The following DHODH variants were observed in gnomAD, a reference collection of about 807,000 sequenced individuals.
DHODH encodes the protein dihydroorotate dehydrogenase (quinone), mitochondrial.
In DHODH, 30 loss-of-function variants were observed where a neutral mutation model predicts 39.7. The observed-to-expected ratio is 0.76, with a 90% CI of 0.57 to 1.02. DHODH has a LOEUF of 1.02. Among genes scored for constraint, DHODH ranks in the 50% least tolerant of loss-of-function variants. The pLI, the probability that DHODH is intolerant of heterozygous loss-of-function variation, is 0.00. For missense variants in DHODH, 531 were observed against 520.8 expected, an observed-to-expected ratio of 1.02 and a Z score of -0.19; for synonymous variants, 222 against 213.8, an observed-to-expected ratio of 1.04 and a Z score of -0.34.
intron 1 of DHODH, 26 bp downstream of exon 1, chr16:72,008,811 G>T (rs1419086432): frequency 5.8e-6 from 9 of 1,552,586 alleles, no homozygotes; most frequent in Non-Finnish European, 7.8e-6. Context: ...GAGCAGTGTG[G>T]ATGGGGGACC....
At chr16:72,017,247 C>T (rs878887871) in intron 4 of DHODH, 141 bp downstream of exon 4, 31 of 857,042 alleles carry the variant, frequency 3.6e-5, no homozygotes, top group South Asian at 2.3e-4. Context: ...TCTCCTAGAG[C>T]GATTTTCCTG....
At chr16:72,021,363 G>A (rs377694783) in intron 5 of DHODH, 52 bp downstream of exon 5, 53 of 1,541,298 alleles carry the variant, frequency 3.4e-5, no homozygotes, top group Admixed American at 2.1e-4. Flanking sequence ...TGTCCCACCT[G>A]CTCCCCTTCA....
chr16:72,012,735 G>A (rs1200508736), intron 2 of DHODH, among the ~76,000 whole-genome samples: 2 of 152,212 alleles, frequency 1.3e-5, no homozygotes, highest in Non-Finnish European at 2.9e-5. Flanking sequence ...CTGGTGAGAG[G>A]CAGGAGCATC....
intron 1 of DHODH, among the ~76,000 whole-genome samples, chr16:72,009,657 C>CA (rs2041061800): frequency 6.6e-6 from 1 of 151,936 alleles, no homozygotes; most frequent in South Asian, 2.1e-4. Context: ...GGCTGTCGCC[C>CA]AGGCTGGAGT....
intron 1 of DHODH, among the ~76,000 whole-genome samples, chr16:72,011,517 G>C (rs1297510042): frequency 6.6e-6 from 1 of 152,214 alleles, no homozygotes; most frequent in Non-Finnish European, 1.5e-5. Context: ...TGTGGTCCCA[G>C]TTACTTGGGG....
Position 72,024,332 on chromosome 16 carries a change from G to A in DHODH, c.*133G>A, listed in dbSNP as rs2041257289. ...GCCATGGCATGGCTGCACTGTAAAC[G>A]CCAATCGGGGGGTCACCAGGATCAA... On this transcript the variant is annotated 3_prime_UTR_variant, in exon 9 of 9. Coordinates refer to ENST00000219240, the MANE Select transcript of DHODH (RefSeq NM_001361.5). 8 of 930,090 alleles carry A rather than the reference G, an allele frequency of 8.6e-6. No homozygotes were observed. Among genetic ancestry groups the A allele is most frequent in the Admixed American group, 5.9e-5 (3 of 51,112 alleles). The allele number at this position is 930,090 out of a possible 1,614,324, so 57.6% of individuals were successfully genotyped here.
chr16:72,012,079 G>T lies in DHODH; in HGVS notation c.51G>T (p.Leu17=), dbSNP rs772234792. 3.7e-6 allele frequency: 6 copies of T among 1,613,998 alleles called. No homozygotes were observed. Among genetic ancestry groups the T allele is most frequent in the East Asian group, 2.2e-5 (1 of 44,896 alleles). Residue 17 remains leucine, a synonymous_variant, in exon 2 of 9, where the codon CTG becomes CTT. Coordinates refer to ENST00000219240, the MANE Select transcript of DHODH (RefSeq NM_001361.5). ...KKRAQDAVII[L]GGGGLLFASY... is the part of the protein sequence containing the mutation. ...GGGCCCAGGATGCTGTGATCATCCT[G>T]GGGGGAGGAGGACTTCTCTTCGCCT...
chr16:72,009,799 G>C (rs1380503057), intron 1 of DHODH, among the ~76,000 whole-genome samples: 1 of 152,116 alleles, frequency 6.6e-6, no homozygotes, highest in Non-Finnish European at 1.5e-5. Flanking sequence ...ATTTTTAGTA[G>C]AGACTGCAGT....
chr16:72,009,026 C>T (rs1481844954), intron 1 of DHODH: 3 of 1,423,186 alleles, frequency 2.1e-6, no homozygotes, highest in South Asian at 1.5e-5. Context: ...TGAGTGTCTG[C>T]GCCTGGGCCA....
chr16:72,014,675 A>G lies in DHODH; in HGVS notation c.434+3A>G. The G allele has an allele frequency of 6.2e-7, 1 of 1,614,042 alleles. No homozygotes were observed. Among genetic ancestry groups the G allele is most frequent in the South Asian group, 1.1e-5 (1 of 91,088 alleles). On this transcript the variant is annotated splice_donor_region_variant and intron_variant, in intron 3 of 8. Coordinates refer to ENST00000219240, the MANE Select transcript of DHODH (RefSeq NM_001361.5). ...GAGGACCAAGCTGTCATTAACAGGT[A>G]GGTGAGCGGCCCAGAGTTAACGGGG...
Position 72,009,172 on chromosome 16 carries a change from T to A in DHODH, c.21+387T>A, listed in dbSNP as rs1035410041. The A allele has an allele frequency of 1.9e-5, 21 of 1,096,648 alleles. No individual in the cohort carries two copies. In the African/African-American group the frequency reaches 2.3e-4, roughly 12 times the overall value. The allele number at this position is 1,096,648 out of a possible 1,614,324, so 67.9% of individuals were successfully genotyped here. A position where few individuals can be genotyped will look rare whatever the true frequency, so the allele number is the denominator to read the frequency against. On this transcript the variant is annotated intron_variant, in intron 1 of 8. Coordinates refer to ENST00000219240, the MANE Select transcript of DHODH (RefSeq NM_001361.5). Reference sequence around the variant, plus strand: ...GGTAAAGTTTTGTTAGGGGCGGGGGTCTCTGTGAAAAGTTCTTAGCTGTAT... The same window carrying A: ...GGTAAAGTTTTGTTAGGGGCGGGGGACTCTGTGAAAAGTTCTTAGCTGTAT...
At chr16:72,017,150 G>A in intron 4 of DHODH, 44 bp downstream of exon 4, 2 of 1,574,096 alleles carry the variant, frequency 1.3e-6, no homozygotes, top group Non-Finnish European at 1.7e-6. Flanking sequence ...TTTATTAGGA[G>A]GAAACGTGGG....
At position 72,014,528 on chromosome 16, in the gene DHODH, T is replaced by C; in HGVS notation, c.290T>C (p.Phe97Ser). ...AATCCAGTAGGAATTGCTGCAGGAT[T>C]TGACAAGCATGGGGAAGCCGTGGAC... The part of the protein sequence containing the change: ...FRNPVGIAAG[F>S]DKHGEAVDGL... Residue 97 changes from phenylalanine to serine, a missense_variant, in exon 3 of 9, where the codon TTT becomes TCT. Transcript: ENST00000219240. 1 of 1,614,232 alleles carries C rather than the reference T, an allele frequency of 6.2e-7. No individual in the cohort carries two copies. The highest frequency in any genetic ancestry group is 1.1e-5 in the South Asian group (1 of 91,090).
chr16:72,011,234 A>C (rs1263589737), intron 1 of DHODH, among the ~76,000 whole-genome samples: 1 of 152,240 alleles, frequency 6.6e-6, no homozygotes, highest in Non-Finnish European at 1.5e-5. Flanking sequence ...CCAGGAAAGC[A>C]CTGTACCATT....
rs192996710 is a variant in DHODH at position 72,024,074 on chromosome 16, G to A, written c.1134-71G>A. The A allele has an allele frequency of 4.7e-5, 72 of 1,529,502 alleles. 1 individual carries two copies. The highest frequency in any genetic ancestry group is 2.5e-4 in the Admixed American group (15 of 59,906). The allele number at this position is 1,529,502 out of a possible 1,614,324, so 94.7% of individuals were successfully genotyped here. ...CGGGATGATGCGTTTCTGGGTGAAC[G>A]TGGGCTTCCTGTAAGAGCAGGGCCT... On this transcript the variant is annotated intron_variant, in intron 8 of 8. Coordinates refer to ENST00000219240, the MANE Select transcript of DHODH (RefSeq NM_001361.5).
intron 3 of DHODH, chr16:72,016,258 A>G (rs2041140554): frequency 6.5e-6 from 1 of 153,168 alleles, no homozygotes; most frequent in African/African-American, 2.4e-5. Flanking sequence ...CAAGGCTGGG[A>G]AAGGAGTCAT....
rs1459384271 is a variant in DHODH, at chr16:72,020,346, TATATATATGTGTATATATATATA to T, written c.518-777_518-755del. ...GTATATGTGTATATATATATATATATATATATATGTGTATATATATATATATTTTTTTTTTTTTTCTTTTTTTT... is the reference window on the plus strand; with the variant it reads ...GTATATGTGTATATATATATATATATTATTTTTTTTTTTTTTCTTTTTTTT... On this transcript the variant is annotated intron_variant, in intron 4 of 8. Coordinates refer to ENST00000219240, the MANE Select transcript of DHODH (RefSeq NM_001361.5). 1.7e-3 allele frequency: 207 copies of T among 119,026 alleles called. 1 individual carries two copies. The highest frequency in any genetic ancestry group is 7.9e-3 in the African/African-American group (194 of 24,454). The allele number at this position is 119,026 out of a possible 1,614,324, so 7.4% of individuals were successfully genotyped here.
rs1019451639 is a variant in DHODH, at chr16:72,023,742, T to A, written c.1133+109T>A. On this transcript the variant is annotated intron_variant, in intron 8 of 8. Transcript: ENST00000219240. ...TGTTTCTTATTCATTCAAAAAGGAG[T>A]TGAGGGGTACACTCTGAAGGGGAGA... The A allele has an allele frequency of 4.7e-6, 7 of 1,490,486 alleles. No homozygotes were observed. The African/African-American group carries it at 8.3e-5, about 18-fold the overall frequency. The allele number at this position is 1,490,486 out of a possible 1,614,324, so 92.3% of individuals were successfully genotyped here.
chr16:72,014,346 G>A (rs574169933), intron 2 of DHODH, 127 bp from the exon 3 acceptor site: 4 of 889,286 alleles, frequency 4.5e-6, no homozygotes, highest in South Asian at 1.4e-5. Context: ...GACCTTGGGG[G>A]TGGGCCCTGG....
Sources: allele counts gnomAD v4.1 joint callset (sites outside exome capture counted in the v4.1 genomes callset), GRCh38; gene constraint gnomAD v4.1.1; transcripts MANE v1.5; gene names NCBI Gene and HGNC (gene_info 2026-07-23, HGNC 2026-07-21).